Variants in PDSS2 observed in about 807,000 individuals in gnomAD.
PDSS2 encodes decaprenyl diphosphate synthase subunit 2.
In PDSS2, 31 loss-of-function variants were observed where a neutral mutation model predicts 44.5. The observed-to-expected ratio is 0.70, with a 90% CI of 0.52 to 0.94. The LOEUF is 0.94. PDSS2 is among the 40% of genes least tolerant of loss of function. The pLI is 0.00. For missense variants in PDSS2, 452 were observed against 482.2 expected, an observed-to-expected ratio of 0.94 and a Z score of 0.59; for synonymous variants, 157 against 180.3, an observed-to-expected ratio of 0.87 and a Z score of 1.03.
intron 7 of PDSS2, among the ~76,000 whole-genome samples, chr6:107,182,811 A>T (rs1393018145): frequency 3.9e-5 from 6 of 152,356 alleles, no homozygotes; most frequent in African/African-American, 1.4e-4. Context: ...AAGAGAATCT[A>T]CTCACTATTG....
chr6:107,425,731 G>A (rs554519332), intron 1 of PDSS2, among the ~76,000 whole-genome samples: 30 of 152,288 alleles, frequency 2.0e-4, no homozygotes, highest in Admixed American at 5.2e-4. Context: ...GGAGGCCGAG[G>A]TGGGTGGATC....
chr6:107,389,246 C>T (rs887222671), intron 1 of PDSS2, among the ~76,000 whole-genome samples: 23 of 152,206 alleles, frequency 1.5e-4, no homozygotes, highest in African/African-American at 5.5e-4. Context: ...AATCAGCCAA[C>T]AAGTTGGCAT....
chr6:107,298,519 T>C (rs2115051344), intron 2 of PDSS2, among the ~76,000 whole-genome samples: 1 of 152,292 alleles, frequency 6.6e-6, no homozygotes, highest in South Asian at 2.1e-4. Flanking sequence ...TCCAAGGATT[T>C]TGGTATCCAA....
intron 7 of PDSS2, among the ~76,000 whole-genome samples, chr6:107,155,730 C>T (rs1770865172): frequency 6.6e-6 from 1 of 151,514 alleles, no homozygotes; most frequent in Non-Finnish European, 1.5e-5. Flanking sequence ...CAGGTGTGCA[C>T]CACCACGCCC....
At chr6:107,221,500 G>A (rs1429707739) in intron 4 of PDSS2, among the ~76,000 whole-genome samples, 1 of 151,586 alleles carries the variant, frequency 6.6e-6, no homozygotes, top group East Asian at 1.9e-4. Context: ...GGTGATAGAT[G>A]TCAAGATACT....
intron 2 of PDSS2, among the ~76,000 whole-genome samples, chr6:107,295,137 T>C (rs1347635023): frequency 1.3e-5 from 2 of 152,164 alleles, no homozygotes; most frequent in Non-Finnish European, 2.9e-5. Flanking sequence ...TTTTGCCATG[T>C]TGGCCAGGCT....
At chr6:107,158,288 C>T (rs9398116) in intron 7 of PDSS2, among the ~76,000 whole-genome samples, 40,689 of 151,126 alleles carry the variant, frequency 0.27, 6,825 homozygotes, top group Non-Finnish European at 0.37. Flanking sequence ...CGGGTTCAAG[C>T]ATTTCTCTGC....
rs147168771 is a variant in PDSS2 at position 107,296,537 on chromosome 6, C to T, written c.432-22310G>A. Among the ~76,000 whole-genome samples, 394 of 152,160 alleles carry T rather than the reference C, an allele frequency of 2.6e-3. 3 individuals are homozygous for T. Among genetic ancestry groups the T allele is most frequent in the African/African-American group, 9.1e-3 (379 of 41,512 alleles). On this transcript the variant is annotated intron_variant, in intron 2 of 7. Coordinates refer to ENST00000369037, the MANE Select transcript of PDSS2 (RefSeq NM_020381.4). The stretch of plus-strand genomic sequence containing the variant: ...GGTCAGGAGTTTGAGACCAGCCTGG[C>T]CAATATAGTGAAACCTCGTCTCTAC...
At chr6:107,219,835 C>A (rs1200600384) in intron 4 of PDSS2, among the ~76,000 whole-genome samples, 3 of 152,090 alleles carry the variant, frequency 2.0e-5, no homozygotes, top group Non-Finnish European at 2.9e-5. Flanking sequence ...ATGAATAGTA[C>A]CTGTTTATCT....
chr6:107,159,335 G>A (rs1187387307), intron 7 of PDSS2, among the ~76,000 whole-genome samples: 15 of 137,472 alleles, frequency 1.1e-4, no homozygotes, highest in African/African-American at 4.0e-4. Context: ...GAAGGAGGAA[G>A]GAAGGAAGGA....
chr6:107,333,271 C>T (rs1263583045), intron 2 of PDSS2, among the ~76,000 whole-genome samples: 1 of 152,142 alleles, frequency 6.6e-6, no homozygotes, highest in Non-Finnish European at 1.5e-5. Context: ...GCTTTTAATA[C>T]AGTGCCAAGC....
At chr6:107,321,241 G>A (rs967020284) in intron 2 of PDSS2, among the ~76,000 whole-genome samples, 1 of 152,142 alleles carries the variant, frequency 6.6e-6, no homozygotes, top group Admixed American at 6.5e-5. Flanking sequence ...ATCTAGCAGA[G>A]GGACAAGATA....
chr6:107,376,263 A>G (rs953905091), intron 1 of PDSS2, among the ~76,000 whole-genome samples: 3 of 151,890 alleles, frequency 2.0e-5, no homozygotes, highest in African/African-American at 7.3e-5. Flanking sequence ...TTGGTTCCAT[A>G]TGAACTTTAA....
At chr6:107,436,216 T>C (rs1223337688) in intron 1 of PDSS2, among the ~76,000 whole-genome samples, 4 of 152,296 alleles carry the variant, frequency 2.6e-5, no homozygotes, top group East Asian at 3.9e-4. Flanking sequence ...AAGGTGTTTT[T>C]AGAAAAGGGA....
chr6:107,385,183 A>T (rs1779574148), intron 1 of PDSS2, among the ~76,000 whole-genome samples: 1 of 152,180 alleles, frequency 6.6e-6, no homozygotes, highest in Non-Finnish European at 1.5e-5. Context: ...TGACCGTAAT[A>T]TAGAAGATAC....
At chr6:107,303,195 T>C (rs1776753193) in intron 2 of PDSS2, among the ~76,000 whole-genome samples, 1 of 152,080 alleles carries the variant, frequency 6.6e-6, no homozygotes, top group Non-Finnish European at 1.5e-5. Flanking sequence ...TGGGCTTGGC[T>C]CCCTTTACAA....
At chr6:107,280,368 C>T (rs1775922499) in intron 2 of PDSS2, among the ~76,000 whole-genome samples, 1 of 152,094 alleles carries the variant, frequency 6.6e-6, no homozygotes, top group South Asian at 2.1e-4. Context: ...GGCCCTCATG[C>T]TAACTCTTGA....
At chr6:107,287,904 A>G (rs910717305) in intron 2 of PDSS2, among the ~76,000 whole-genome samples, 1 of 152,032 alleles carries the variant, frequency 6.6e-6, no homozygotes, top group African/African-American at 2.4e-5. Context: ...CTGAGGTGGG[A>G]GGATAGCTTG....
intron 3 of PDSS2, among the ~76,000 whole-genome samples, chr6:107,253,001 C>T (rs1435402826): frequency 6.6e-6 from 1 of 152,106 alleles, no homozygotes; most frequent in Non-Finnish European, 1.5e-5. Context: ...ATCAAAATTC[C>T]TTTATTCAAT....
Sources: allele counts gnomAD v4.1 joint callset (sites outside exome capture counted in the v4.1 genomes callset), GRCh38; gene constraint gnomAD v4.1.1; transcripts MANE v1.5; gene names NCBI Gene and HGNC (gene_info 2026-07-23, HGNC 2026-07-21).